APBB2: variants seen among roughly 807,000 people sequenced by gnomAD.
The protein encoded by APBB2 is Fe65-like 1.
In APBB2, 38 loss-of-function variants were observed where a neutral mutation model predicts 82.5. That is an observed-to-expected ratio of 0.46 (90% CI 0.36 to 0.60). APBB2 has a LOEUF of 0.60. APBB2 is among the 20% of genes least tolerant of loss of function. APBB2 has a pLI of 0.00. For synonymous variants in APBB2, 341 were observed against 368.2 expected (o/e 0.93, Z 0.85); for missense variants, 772 against 972.3 (o/e 0.79, Z 2.74).
At chr4:40,953,256 A>G (rs10034784) in intron 6 of APBB2, among the ~76,000 whole-genome samples, 18 of 147,222 alleles carry the variant, frequency 1.2e-4, no homozygotes, top group Middle Eastern at 3.6e-3. Context: ...AGATCACGCC[A>G]CTGCACTCCA....
chr4:40,854,538 G>A (rs901697207), intron 12 of APBB2, among the ~76,000 whole-genome samples: 8 of 152,180 alleles, frequency 5.3e-5, no homozygotes, highest in Admixed American at 3.3e-4. Context: ...TGTAATCCCA[G>A]CACTTTGGGA....
intron 5 of APBB2, among the ~76,000 whole-genome samples, chr4:41,016,975 C>T (rs1466674176): frequency 6.6e-6 from 1 of 152,082 alleles, no homozygotes; most frequent in Non-Finnish European, 1.5e-5. Flanking sequence ...TGCCTCACTG[C>T]AGCCTCAACC....
rs1553921246 is a variant in APBB2, at chr4:40,811,784, G to GA, written c.*4307dup. ...ATGAAATTTTGTTACTGACTAGAGA[G>GA]AAACCACTGTGGAAGTGCAAGATGA... On this transcript the variant is annotated 3_prime_UTR_variant, in exon 18 of 18. Transcript: ENST00000508593. The GA allele has an allele frequency of 2.0e-5, 3 of 152,170 alleles. No individual in the cohort carries two copies. The highest frequency in any genetic ancestry group is 7.2e-5 in the African/African-American group (3 of 41,444). The allele number at this position is 152,170 out of a possible 1,614,324, so 9.4% of individuals were successfully genotyped here. A position where few individuals can be genotyped will look rare whatever the true frequency, so the allele number is the denominator to read the frequency against.
At chr4:40,955,073 T>C (rs756498015) in intron 6 of APBB2, among the ~76,000 whole-genome samples, 1 of 152,224 alleles carries the variant, frequency 6.6e-6, no homozygotes, top group Non-Finnish European at 1.5e-5. Context: ...TGACCTCCTA[T>C]AAACGCCAAA....
intron 1 of APBB2, among the ~76,000 whole-genome samples, chr4:41,162,539 T>C (rs1765444699): frequency 6.6e-6 from 1 of 152,116 alleles, no homozygotes. Context: ...TAGACACACA[T>C]ACATGCTCAT....
At chr4:41,033,016 C>T (rs1397417857) in intron 5 of APBB2, among the ~76,000 whole-genome samples, 1 of 151,810 alleles carries the variant, frequency 6.6e-6, no homozygotes, top group Non-Finnish European at 1.5e-5. Context: ...ATCTCCTGAC[C>T]TCGTGATCCG....
At chr4:41,022,740 T>C (rs757139101) in intron 5 of APBB2, among the ~76,000 whole-genome samples, 13 of 152,138 alleles carry the variant, frequency 8.5e-5, no homozygotes, top group Non-Finnish European at 1.8e-4. Context: ...AATCCTCAAG[T>C]AAAACGGGAA....
chr4:40,828,165 G>A (rs188677654), intron 13 of APBB2, among the ~76,000 whole-genome samples: 2 of 152,234 alleles, frequency 1.3e-5, no homozygotes, highest in African/African-American at 2.4e-5. Flanking sequence ...TATTAGCAGC[G>A]TGAAAGCCGA....
chr4:41,056,120 C>T (rs558040529), intron 4 of APBB2, among the ~76,000 whole-genome samples: 15 of 152,044 alleles, frequency 9.9e-5, no homozygotes, highest in Non-Finnish European at 2.1e-4. Context: ...GCGGAAGTTG[C>T]AGTGAGCCGA....
At chr4:40,817,212 G>A (rs1413285449) in intron 17 of APBB2, among the ~76,000 whole-genome samples, 1 of 151,908 alleles carries the variant, frequency 6.6e-6, no homozygotes, top group Non-Finnish European at 1.5e-5. Context: ...GTTTGAAACC[G>A]GCCTGGGCAA....
At chr4:41,214,193 C>T (rs1050434502) in intron 1 of APBB2, among the ~76,000 whole-genome samples, 2 of 152,174 alleles carry the variant, frequency 1.3e-5, no homozygotes, top group African/African-American at 4.8e-5. Context: ...AGCAGGCGCC[C>T]CGCTGCAGAT....
In APBB2 at chr4:40,848,904, C is replaced by T. The variant is rs547649923; in HGVS notation, c.1530-18327G>A. On this transcript the variant is annotated intron_variant, in intron 12 of 17. Coordinates refer to ENST00000508593, the MANE Select transcript of APBB2 (RefSeq NM_004307.2). Reference sequence around the variant, plus strand: ...ATCCCCCAGTCATTGTCAACATTCACAGCCATCTGAAGCTACCCTATTTCC... The same window carrying T: ...ATCCCCCAGTCATTGTCAACATTCATAGCCATCTGAAGCTACCCTATTTCC... 1.5e-5 allele frequency: 15 copies of T among 985,442 alleles called. No homozygotes were observed. In the South Asian group the frequency reaches 3.8e-4, roughly 25 times the overall value. The allele number at this position is 985,442 out of a possible 1,614,324, so 61.0% of individuals were successfully genotyped here.
At chr4:40,946,100 C>T (rs551350980) in intron 6 of APBB2, among the ~76,000 whole-genome samples, 91 of 152,154 alleles carry the variant, frequency 6.0e-4, no homozygotes, top group African/African-American at 1.6e-3. Flanking sequence ...GGCATGGTGG[C>T]GCACACCTGC....
chr4:41,179,785 T>G (rs750720753), intron 1 of APBB2, among the ~76,000 whole-genome samples: 1 of 152,204 alleles, frequency 6.6e-6, no homozygotes, highest in Non-Finnish European at 1.5e-5. Flanking sequence ...TGGCTTTATT[T>G]AAAAATTCCC....
At chr4:41,090,054 T>G (rs995173729) in intron 3 of APBB2, among the ~76,000 whole-genome samples, 3 of 152,208 alleles carry the variant, frequency 2.0e-5, no homozygotes, top group African/African-American at 7.2e-5. Flanking sequence ...ATAAATTATA[T>G]GGTGTCCCAT....
chr4:41,158,971 C>T (rs997598896), intron 1 of APBB2, among the ~76,000 whole-genome samples: 6 of 152,094 alleles, frequency 3.9e-5, no homozygotes, highest in Non-Finnish European at 5.9e-5. Context: ...TCAGGAATCC[C>T]GGACACAGTT....
rs1346370816 is a variant in APBB2 at position 40,830,364 on chromosome 4, A to G, written c.1644+99T>C. Reference sequence around the variant, plus strand: ...AATCTGCCTACTTCTCCCTGAGCTCAACTGCAGGTTGATGTGCCCACTCCC... The same window carrying G: ...AATCTGCCTACTTCTCCCTGAGCTCGACTGCAGGTTGATGTGCCCACTCCC... On this transcript the variant is annotated intron_variant, in intron 13 of 17. Coordinates refer to ENST00000508593, the MANE Select transcript of APBB2 (RefSeq NM_004307.2). 9.0e-6 allele frequency: 7 copies of G among 776,802 alleles called. No homozygotes were observed. The Admixed American group carries it at 1.4e-4, about 16-fold the overall frequency. The allele number at this position is 776,802 out of a possible 1,614,324, so 48.1% of individuals were successfully genotyped here.
chr4:40,968,650 C>T (rs1212518690), intron 6 of APBB2, among the ~76,000 whole-genome samples: 1 of 152,166 alleles, frequency 6.6e-6, no homozygotes, highest in Admixed American at 6.5e-5. Context: ...TCACAACATG[C>T]CTTACATATC....
chr4:40,848,747 C>T (rs1371108018), intron 12 of APBB2, among the ~76,000 whole-genome samples: 1 of 151,644 alleles, frequency 6.6e-6, no homozygotes, highest in South Asian at 2.1e-4. Flanking sequence ...TCCAGCCACA[C>T]TGGGACCGTT....
Sources: allele counts gnomAD v4.1 joint callset (sites outside exome capture counted in the v4.1 genomes callset), GRCh38; gene constraint gnomAD v4.1.1; transcripts MANE v1.5; gene names NCBI Gene and HGNC (gene_info 2026-07-23, HGNC 2026-07-21).